Variants in PDE7B observed in about 807,000 individuals in gnomAD.
PDE7B encodes the protein phosphodiesterase 7B.
PDE7B carries 29 observed loss-of-function variants against 56.2 expected under a neutral mutation model. That is an observed-to-expected ratio of 0.52 (90% CI 0.38 to 0.70). The LOEUF (loss-of-function observed/expected upper bound fraction) is 0.70, where lower values mean the gene tolerates loss of function less well. Ranked by LOEUF, PDE7B falls within the 30% of genes least tolerant of loss-of-function variation. The probability of loss-of-function intolerance (pLI) is 0.00; values close to 1 mark genes in which losing one functional copy is unlikely to be tolerated. For synonymous variants in PDE7B, 197 were observed against 196.9 expected (o/e 1.00, Z 0.00); for missense variants, 490 against 565.0 (o/e 0.87, Z 1.35).
At chr6:136,126,939 A>G (rs1316004362) in intron 3 of PDE7B, among the ~76,000 whole-genome samples, 1 of 152,200 alleles carries the variant, frequency 6.6e-6, no homozygotes, top group Non-Finnish European at 1.5e-5. Flanking sequence ...GTTCCCCAAT[A>G]ACCTATGGAA....
chr6:136,174,128 G>A (rs1186049762), intron 9 of PDE7B, among the ~76,000 whole-genome samples: 1 of 152,122 alleles, frequency 6.6e-6, no homozygotes, highest in Non-Finnish European at 1.5e-5. Context: ...CAGGAAAAGG[G>A]ATAATAAACA....
chr6:136,122,001 CT>C (rs555401670), intron 3 of PDE7B, among the ~76,000 whole-genome samples: 77 of 145,644 alleles, frequency 5.3e-4, no homozygotes, highest in Middle Eastern at 3.6e-3. Flanking sequence ...AATTTATAAT[CT>C]TTTTTTTTTT....
chr6:136,130,469 G>A (rs1479561239), intron 3 of PDE7B, among the ~76,000 whole-genome samples: 3 of 152,184 alleles, frequency 2.0e-5, no homozygotes, highest in African/African-American at 7.2e-5. Context: ...CGGCAAAGTA[G>A]AGCATCACTT....
intron 2 of PDE7B, among the ~76,000 whole-genome samples, chr6:136,030,197 C>G (rs1450478104): frequency 6.6e-6 from 1 of 152,188 alleles, no homozygotes; most frequent in African/African-American, 2.4e-5. Flanking sequence ...TTTCCAATTA[C>G]CAGCAGATGC....
rs776870392 is a variant in PDE7B, at chr6:135,854,502, GTATC to G, written c.21+2487_21+2490del. ...CCCTCAAAAATCTACAGCTTAGTAG[GTATC>G]TATGTTCTAGGGGGTACATTTGACT... is the stretch of plus-strand genomic sequence containing the variant. On this transcript the variant is annotated intron_variant, in intron 1 of 12. Transcript: ENST00000308191. 3.3e-5 allele frequency among the ~76,000 whole-genome samples: 5 copies of G among 152,302 alleles called. No homozygotes were observed. In the East Asian group the frequency reaches 5.8e-4, roughly 18 times the overall value.
chr6:135,935,772 G>A (rs1774410151), intron 1 of PDE7B, among the ~76,000 whole-genome samples: 2 of 152,184 alleles, frequency 1.3e-5, no homozygotes, highest in Admixed American at 6.5e-5. Flanking sequence ...TATAAAACCT[G>A]TCAGTCATTT....
chr6:135,910,080 A>T lies in PDE7B; in HGVS notation c.22-37384A>T, dbSNP rs140529061. 3.4e-3 allele frequency among the ~76,000 whole-genome samples: 513 copies of T among 152,320 alleles called. 3 individuals carry two copies. The highest frequency in any genetic ancestry group is 0.012 in the African/African-American group (491 of 41,566). Reference sequence around the variant, plus strand: ...GAATAGGTGAGGATATCCAATAAGGACACTTGAAATATGAGTTTGAAATTT... The same window carrying T: ...GAATAGGTGAGGATATCCAATAAGGTCACTTGAAATATGAGTTTGAAATTT... On this transcript the variant is annotated intron_variant, in intron 1 of 12. Coordinates refer to ENST00000308191, the MANE Select transcript of PDE7B (RefSeq NM_018945.4).
At chr6:136,165,582 A>C (rs1332498709) in intron 8 of PDE7B, 1 of 152,142 alleles carries the variant, frequency 6.6e-6, no homozygotes, top group East Asian at 1.9e-4. Context: ...GAGACCCAGG[A>C]TTCTTTTAGT....
At chr6:135,961,528 C>T (rs1562453521) in intron 2 of PDE7B, among the ~76,000 whole-genome samples, 1 of 151,998 alleles carries the variant, frequency 6.6e-6, no homozygotes, top group African/African-American at 2.4e-5. Context: ...AACAAATCAT[C>T]AGGTGTTACC....
In PDE7B at chr6:135,928,487, T is replaced by TTA. The variant is rs377734996; in HGVS notation, c.22-18965_22-18964dup. On this transcript the variant is annotated intron_variant, in intron 1 of 12. Coordinates refer to ENST00000308191, the MANE Select transcript of PDE7B (RefSeq NM_018945.4). ...TATTTATTTATATATATATATTTAT[T>TTA]TATATATATATATTTATATATATAT... is the stretch of plus-strand genomic sequence containing the variant. Among the ~76,000 whole-genome samples, 29 of 85,548 alleles carry TTA rather than the reference T, an allele frequency of 3.4e-4. 1 individual carries two copies. Among genetic ancestry groups the TTA allele is most frequent in the East Asian group, 1.1e-3 (3 of 2,808 alleles). 56.1% of individuals were successfully genotyped at this position (85,548 alleles called of 152,430 possible).
intron 2 of PDE7B, among the ~76,000 whole-genome samples, chr6:135,981,504 A>G (rs1775295629): frequency 6.6e-6 from 1 of 151,702 alleles, no homozygotes; most frequent in Admixed American, 6.6e-5. Flanking sequence ...GTTATCTAAC[A>G]AAAACATCAA....
chr6:136,110,022 T>G (rs1422868016), intron 3 of PDE7B, among the ~76,000 whole-genome samples: 2 of 152,222 alleles, frequency 1.3e-5, no homozygotes, highest in Non-Finnish European at 1.5e-5. Context: ...AACCTGTTAT[T>G]TCTGATCCTT....
At chr6:136,110,824 T>C (rs1034809892) in intron 3 of PDE7B, among the ~76,000 whole-genome samples, 2 of 151,698 alleles carry the variant, frequency 1.3e-5, no homozygotes, top group Admixed American at 1.3e-4. Context: ...AATAATTCAG[T>C]GTCATATTGT....
chr6:135,924,656 T>A (rs371944300), intron 1 of PDE7B, among the ~76,000 whole-genome samples: 4 of 113,276 alleles, frequency 3.5e-5, no homozygotes, highest in African/African-American at 1.7e-4. Flanking sequence ...GGATGTCACC[T>A]CTAAGTATTT....
At chr6:136,118,092 A>T (rs774709160) in intron 3 of PDE7B, among the ~76,000 whole-genome samples, 5 of 152,190 alleles carry the variant, frequency 3.3e-5, no homozygotes, top group Non-Finnish European at 7.3e-5. Context: ...CCTTGCTTAT[A>T]ATAGGTCCAT....
chr6:135,951,271 A>C (rs1443148610), intron 2 of PDE7B, among the ~76,000 whole-genome samples: 3 of 152,148 alleles, frequency 2.0e-5, no homozygotes, highest in South Asian at 2.1e-4. Flanking sequence ...TTGGCCTCAG[A>C]AGTTTATATA....
chr6:136,005,429 G>A (rs1775762652), intron 2 of PDE7B, among the ~76,000 whole-genome samples: 1 of 151,978 alleles, frequency 6.6e-6, no homozygotes, highest in Non-Finnish European at 1.5e-5. Flanking sequence ...CCTACAAAAT[G>A]GGAGAAAATT....
intron 3 of PDE7B, chr6:136,112,616 CTTTTT>C (rs796607513): frequency 6.8e-6 from 1 of 146,962 alleles, no homozygotes; most frequent in Non-Finnish European, 1.5e-5. Context: ...TTGTTAATGT[CTTTTT>C]TTTTTTCTGT....
chr6:135,998,993 A>G (rs1775616661), intron 2 of PDE7B, among the ~76,000 whole-genome samples: 1 of 152,070 alleles, frequency 6.6e-6, no homozygotes, highest in Non-Finnish European at 1.5e-5. Flanking sequence ...CTAATATAAT[A>G]TAATATATGC....
Sources: allele counts gnomAD v4.1 joint callset (sites outside exome capture counted in the v4.1 genomes callset), GRCh38; gene constraint gnomAD v4.1.1; transcripts MANE v1.5; gene names NCBI Gene and HGNC (gene_info 2026-07-23, HGNC 2026-07-21).